Variants in GEMIN2 observed in about 807,000 individuals in gnomAD.
GEMIN2 encodes gem-associated protein 2.
A neutral mutation model predicts 45.8 loss-of-function variants in GEMIN2; 37 were observed. That is an observed-to-expected ratio of 0.81 (90% CI 0.62 to 1.06). The LOEUF (loss-of-function observed/expected upper bound fraction) is 1.06. GEMIN2 is among the 50% of genes least tolerant of loss of function. The pLI is 0.00. For synonymous variants in GEMIN2, 101 were observed against 111.5 expected (o/e 0.91, Z 0.60); for missense variants, 335 against 321.8 (o/e 1.04, Z -0.31).
chr14:39,133,677 A>T lies in GEMIN2; in HGVS notation c.728A>T (p.Glu243Val). 1.3e-6 allele frequency: 2 copies of T among 1,498,436 alleles called. No individual in the cohort carries two copies. The highest frequency in any genetic ancestry group is 1.8e-6 in the Non-Finnish European group (2 of 1,102,628). 92.8% of individuals were successfully genotyped at this position (1,498,436 alleles called of 1,614,324 possible). ...VRLLVDSKDD[E>V]RVPALNLLIC... Reference sequence around the variant, plus strand: ...TTTTTTTAGGATAGCAAAGATGATGAGAGGGTTCCTGCTTTGAATTTATTA... The same window carrying T: ...TTTTTTTAGGATAGCAAAGATGATGTGAGGGTTCCTGCTTTGAATTTATTA... Residue 243 changes from glutamate (E) to valine (V), a missense_variant, in exon 9 of 10, where the codon GAG becomes GTG. Physicochemically the swap from Glu to Val is moderately radical, Grantham distance 121. Transcript: ENST00000308317.
rs201889658 is a variant in GEMIN2, at chr14:39,118,042, T to G, written c.266T>G (p.Leu89Arg). Residue 89 changes from leucine (L) to arginine (R), a missense_variant, in exon 3 of 10, where the codon CTT (leucine) becomes CGT (arginine). Leu to Arg is a moderately radical substitution (Grantham distance 102). Transcript: ENST00000308317. ...GCCCCTGAAGGTTATTCCCCAACAC[T>G]TCAATGGCAACAGCAACAAGTGGCA... ...QPAPEGYSPT[L>R]QWQQQQVAQF... The G allele has an allele frequency of 3.1e-6, 5 of 1,609,334 alleles. 1 individual carries two copies. The South Asian group carries it at 5.5e-5, about 18-fold the overall frequency.
At chr14:39,124,032 T>A (rs1326685928) in intron 5 of GEMIN2, among the ~76,000 whole-genome samples, 1 of 152,016 alleles carries the variant, frequency 6.6e-6, no homozygotes, top group Non-Finnish European at 1.5e-5. Flanking sequence ...TGAGCTATCA[T>A]GGCTAGCCAA....
At chr14:39,127,957 A>G (rs986704368) in intron 6 of GEMIN2, among the ~76,000 whole-genome samples, 1 of 151,322 alleles carries the variant, frequency 6.6e-6, no homozygotes, top group South Asian at 2.1e-4. Context: ...AATCTCAGCT[A>G]CTCAGGGGGC....
chr14:39,115,513 G>A (rs1425840465), intron 2 of GEMIN2, among the ~76,000 whole-genome samples: 2 of 141,782 alleles, frequency 1.4e-5, no homozygotes, highest in Non-Finnish European at 3.0e-5. Flanking sequence ...CTGCAGTGCA[G>A]TGGTGCGATC....
chr14:39,117,732 A>G (rs910260515), intron 2 of GEMIN2, among the ~76,000 whole-genome samples: 3 of 152,192 alleles, frequency 2.0e-5, no homozygotes, highest in African/African-American at 7.2e-5. Context: ...GGCTCATGTC[A>G]TTTAGATTTC....
rs1393965916 is a variant in GEMIN2, at chr14:39,133,014, GTGTGTGTGTGTGTA to G, written c.712-645_712-632del. ...TGTGTGTGTGTGTATATATATGTGTGTGTGTGTGTGTGTATATATATATATCTTTATATATATAT... is the reference window on the plus strand; with the variant it reads ...TGTGTGTGTGTGTATATATATGTGTGTATATATATATCTTTATATATATAT... On this transcript the variant is annotated intron_variant, in intron 8 of 9. Coordinates refer to ENST00000308317, the MANE Select transcript of GEMIN2 (RefSeq NM_003616.3). Among the ~76,000 whole-genome samples, 450 of 126,200 alleles carry G rather than the reference GTGTGTGTGTGTGTA, an allele frequency of 3.6e-3. 5 individuals carry two copies. Among genetic ancestry groups the G allele is most frequent in the African/African-American group, 0.014 (435 of 30,442 alleles). The allele number at this position is 126,200 out of a possible 152,430, so 82.8% of individuals were successfully genotyped here.
At chr14:39,136,090 C>A (rs1005964923) in intron 9 of GEMIN2, among the ~76,000 whole-genome samples, 9 of 152,112 alleles carry the variant, frequency 5.9e-5, no homozygotes, top group Admixed American at 5.9e-4. Context: ...GAGACCTTGT[C>A]TCAAAAAGGA....
intron 7 of GEMIN2, among the ~76,000 whole-genome samples, chr14:39,130,456 C>T (rs74684369): frequency 0.03 from 4,564 of 151,868 alleles, 233 homozygotes; most frequent in African/African-American, 0.1. Context: ...TCTGAAAAAC[C>T]TTGATGAATA....
intron 7 of GEMIN2, among the ~76,000 whole-genome samples, chr14:39,130,141 A>T (rs1390800726): frequency 1.3e-5 from 2 of 151,826 alleles, no homozygotes; most frequent in African/African-American, 4.8e-5. Flanking sequence ...TACATAGTAA[A>T]TGTATCCCTT....
At chr14:39,125,670 A>G (rs934483228) in intron 6 of GEMIN2, among the ~76,000 whole-genome samples, 2 of 152,162 alleles carry the variant, frequency 1.3e-5, no homozygotes, top group Admixed American at 6.5e-5. Context: ...GTTCAGGGGC[A>G]TCTGTACTAA....
chr14:39,125,019 G>A lies in GEMIN2; in HGVS notation c.514G>A (p.Val172Ile). ...QIGFPPLLSI[V>I]SRMNQATVTS... ...TGGTTTTCCTCCCTTGCTTAGTATT[G>A]TTAGCAGAATGAATCAGGTAAAATT... Residue 172 changes from valine (V) to isoleucine (I), a missense_variant, in exon 6 of 10, where the codon GTT (valine) becomes ATT (isoleucine). Transcript: ENST00000308317. 6.8e-7 allele frequency: 1 copy of A among 1,467,618 alleles called. No individual in the cohort carries two copies. The highest frequency in any genetic ancestry group is 9.5e-7 in the Non-Finnish European group (1 of 1,049,460). 90.9% of individuals were successfully genotyped at this position (1,467,618 alleles called of 1,614,324 possible).
At chr14:39,124,799 A>C (rs1199228502) in intron 5 of GEMIN2, among the ~76,000 whole-genome samples, 193 bp from the exon 6 acceptor site, 1 of 152,130 alleles carries the variant, frequency 6.6e-6, no homozygotes, top group African/African-American at 2.4e-5. Flanking sequence ...TTCAAAATTT[A>C]AGGCGTTATT....
intron 7 of GEMIN2, among the ~76,000 whole-genome samples, chr14:39,129,617 T>C (rs937038539): frequency 6.6e-6 from 1 of 152,130 alleles, no homozygotes; most frequent in African/African-American, 2.4e-5. Flanking sequence ...TTCTCCATGT[T>C]GGCCAGACTG....
At chr14:39,134,974 GTTTT>G (rs1047790720) in intron 9 of GEMIN2, among the ~76,000 whole-genome samples, 1 of 151,854 alleles carries the variant, frequency 6.6e-6, no homozygotes, top group Non-Finnish European at 1.5e-5. Flanking sequence ...TTGTGTTTTT[GTTTT>G]TGTTTTTGTT....
rs1271818920 is a variant in GEMIN2 at position 39,133,008 on chromosome 14, A to ATG, written c.712-635_712-634dup. ...TGTGTGTGTGTGTGTGTGTATATAT[A>ATG]TGTGTGTGTGTGTGTGTGTATATAT... On this transcript the variant is annotated intron_variant, in intron 8 of 9. Coordinates refer to ENST00000308317, the MANE Select transcript of GEMIN2 (RefSeq NM_003616.3). 4.9e-3 allele frequency among the ~76,000 whole-genome samples: 330 copies of ATG among 67,788 alleles called. 2 individuals carry two copies. The highest frequency in any genetic ancestry group is 0.031 in the Middle Eastern group (3 of 98). 44.5% of individuals were successfully genotyped at this position (67,788 alleles called of 152,430 possible). A position where few individuals can be genotyped will look rare whatever the true frequency, so the allele number is the denominator to read the frequency against.
chr14:39,118,715 A>T, intron 4 of GEMIN2, 116 bp downstream of exon 4: 1 of 553,024 alleles, frequency 1.8e-6, no homozygotes, highest in Non-Finnish European at 3.3e-6. Context: ...CATTCTCTTC[A>T]ATATACCATT....
In GEMIN2 at chr14:39,132,023, G is replaced by T. The variant is rs772594019; in HGVS notation, c.666G>T (p.Leu222=). 3.1e-6 allele frequency: 5 copies of T among 1,603,390 alleles called. No individual in the cohort carries two copies. Among genetic ancestry groups the T allele is most frequent in the Non-Finnish European group, 3.4e-6 (4 of 1,170,552 alleles). The change falls in exon 8 of 10, where the codon CTG becomes CTT. Residue 222 remains leucine, a synonymous_variant. Coordinates refer to ENST00000308317, the MANE Select transcript of GEMIN2 (RefSeq NM_003616.3). ...CTTTGTTACCTGAGGCTCATTCACT[G>T]ATTCGGCAGCTTGCAAGAAGGTGCT... ...EKPLLPEAHS[L]IRQLARRCSE... is the part of the protein sequence containing the mutation.
intron 9 of GEMIN2, 58 bp downstream of exon 9, chr14:39,133,777 G>A (rs1363416869): frequency 4.8e-5 from 45 of 934,622 alleles, no homozygotes; most frequent in Non-Finnish European, 6.4e-5. Flanking sequence ...AGGTTAGATC[G>A]TATTTATTAC....
intron 8 of GEMIN2, among the ~76,000 whole-genome samples, chr14:39,132,945 C>G (rs1282067323): frequency 1.3e-5 from 2 of 149,000 alleles, no homozygotes; most frequent in African/African-American, 4.9e-5. Flanking sequence ...TCCCAAAGTG[C>G]TGGGATTACA....
Sources: allele counts gnomAD v4.1 joint callset (sites outside exome capture counted in the v4.1 genomes callset), GRCh38; gene constraint gnomAD v4.1.1; transcripts MANE v1.5; gene names NCBI Gene and HGNC (gene_info 2026-07-23, HGNC 2026-07-21).